Variants in PIK3C2B observed in about 807,000 individuals in gnomAD.
PIK3C2B encodes the protein phosphatidylinositol-4-phosphate 3-kinase catalytic subunit type 2 beta, also known as phosphatidylinositol 4-phosphate 3-kinase C2 domain-containing subunit beta.
A neutral mutation model predicts 184.3 loss-of-function variants in PIK3C2B; 83 were observed. That is an observed-to-expected ratio of 0.45 (90% CI 0.38 to 0.54). The LOEUF is 0.54. Ranked by LOEUF, PIK3C2B falls within the 20% of genes least tolerant of loss-of-function variation. The pLI, the probability that PIK3C2B is intolerant of heterozygous loss-of-function variation, is 0.00. For missense variants in PIK3C2B, 1,736 were observed against 2,113.5 expected (o/e 0.82, Z 3.50); for synonymous variants, 779 against 837.6 (o/e 0.93, Z 1.21).
At chr1:204,437,414 G>C (rs1260647328) in intron 23 of PIK3C2B, among the ~76,000 whole-genome samples, 2 of 152,204 alleles carry the variant, frequency 1.3e-5, no homozygotes, top group Non-Finnish European at 2.9e-5. Flanking sequence ...AGAATCGCTT[G>C]AATCCAGGAG....
At position 204,433,475 on chromosome 1, in the gene PIK3C2B, T is replaced by TC; in HGVS notation, c.3844-51dup. 1 of 1,163,560 alleles carries TC rather than the reference T, an allele frequency of 8.6e-7. No individual in the cohort carries two copies. Among genetic ancestry groups the TC allele is most frequent in the Non-Finnish European group, 1.3e-6 (1 of 773,330 alleles). The allele number at this position is 1,163,560 out of a possible 1,614,324, so 72.1% of individuals were successfully genotyped here. A position where few individuals can be genotyped will look rare whatever the true frequency, so the allele number is the denominator to read the frequency against. The stretch of plus-strand genomic sequence containing the variant: ...GAGGGTGCCTGTAACAACAGAGAAT[T>TC]CTTGCTGCTTCTCTACCCTTAGGCA... On this transcript the variant is annotated intron_variant, in intron 25 of 32. Coordinates refer to ENST00000684373, the MANE Select transcript of PIK3C2B (RefSeq NM_001377334.1). This position sits in a 1 kb window ranked among gnomAD's most constrained non-coding sequence, Gnocchi z 5.0.
At chr1:204,481,341 C>G (rs1657132238) in intron 1 of PIK3C2B, among the ~76,000 whole-genome samples, 1 of 143,518 alleles carries the variant, frequency 7.0e-6, no homozygotes, top group Non-Finnish European at 1.5e-5. Context: ...GATCTCCGCT[C>G]ACTGCAACCT....
At chr1:204,493,108 GC>G (rs1558293377) in intron 1 of PIK3C2B, among the ~76,000 whole-genome samples, 1 of 152,178 alleles carries the variant, frequency 6.6e-6, no homozygotes, top group African/African-American at 2.4e-5. Flanking sequence ...GGTCGGCATT[GC>G]CACCTCCTGG....
chr1:204,457,519 A>G (rs1280764708), intron 9 of PIK3C2B, among the ~76,000 whole-genome samples: 1 of 152,204 alleles, frequency 6.6e-6, no homozygotes, highest in Non-Finnish European at 1.5e-5. Flanking sequence ...AGTCCCAGGT[A>G]GCTCTCCCTC....
At chr1:204,465,364 G>A in intron 2 of PIK3C2B, 45 bp from the exon 3 acceptor site, 1 of 1,227,396 alleles carries the variant, frequency 8.1e-7, no homozygotes, top group South Asian at 1.2e-5. Context: ...TCCTCGTGGT[G>A]TCCCCTCCCT....
intron 12 of PIK3C2B, among the ~76,000 whole-genome samples, chr1:204,453,803 C>A (rs953731005): frequency 6.8e-6 from 1 of 147,646 alleles, no homozygotes; most frequent in Non-Finnish European, 1.5e-5. Flanking sequence ...GACAGAATTT[C>A]GCTCTTGTTG....
chr1:204,445,310 A>G (rs1441147727), intron 16 of PIK3C2B, among the ~76,000 whole-genome samples: 1 of 152,132 alleles, frequency 6.6e-6, no homozygotes, highest in Non-Finnish European at 1.5e-5. Flanking sequence ...ATGTATAAAA[A>G]GGCTGGGCAT....
chr1:204,435,722 A>G (rs1675306341), intron 23 of PIK3C2B: 1 of 152,158 alleles, frequency 6.6e-6, no homozygotes, highest in Non-Finnish European at 1.5e-5. Flanking sequence ...CTTCTTGCCT[A>G]TTTCACAATG....
At chr1:204,473,580 T>C (rs1656465071) in intron 1 of PIK3C2B, among the ~76,000 whole-genome samples, 2 of 152,222 alleles carry the variant, frequency 1.3e-5, no homozygotes, top group African/African-American at 4.8e-5. Context: ...CTTAAGTATG[T>C]TAATCCAGAG....
intron 15 of PIK3C2B, among the ~76,000 whole-genome samples, chr1:204,446,640 T>C (rs997014016): frequency 6.6e-6 from 1 of 152,122 alleles, no homozygotes; most frequent in African/African-American, 2.4e-5. Context: ...GCTGTCGGCT[T>C]TCAAGGACCT....
At chr1:204,441,635 T>G in intron 20 of PIK3C2B, 72 bp from the exon 21 acceptor site, 2 of 966,704 alleles carry the variant, frequency 2.1e-6, no homozygotes, top group Non-Finnish European at 3.2e-6. Flanking sequence ...CCTCTCCACT[T>G]CAGACCAAGA....
At chr1:204,438,350 C>A (rs1265643109) in intron 23 of PIK3C2B, among the ~76,000 whole-genome samples, 1 of 152,128 alleles carries the variant, frequency 6.6e-6, no homozygotes, top group Non-Finnish European at 1.5e-5. Context: ...CCCTACCACC[C>A]AGGAAAGCTC....
Position 204,455,868 on chromosome 1 carries a change from A to G in PIK3C2B, c.1931T>C (p.Ile644Thr). The G allele has an allele frequency of 6.2e-7, 1 of 1,611,872 alleles. No individual in the cohort carries two copies. The highest frequency in any genetic ancestry group is 8.5e-7 in the Non-Finnish European group (1 of 1,178,612). The change falls in exon 11 of 33, where the codon ATC becomes ACC. Residue 644 changes from isoleucine to threonine, a missense_variant. By Grantham distance (89) the Ile-to-Thr change is moderately conservative. This residue lies in a region of PIK3C2B where 609 missense variants were observed against 699.2 expected (regional missense o/e 0.87). Coordinates refer to ENST00000684373, the MANE Select transcript of PIK3C2B (RefSeq NM_001377334.1). ...GCCCTGGGCTCACCTGGTAGCCCAG[A>G]TGATGGGGATGCGGTGGGTGGCATA... ...TVYATHRIPI[I>T]WATSYEDFYL... is the part of the protein sequence containing the mutation.
In PIK3C2B at chr1:204,430,013, G is replaced by T. The variant is rs768164278; in HGVS notation, c.4306C>A (p.Arg1436Ser). 6.2e-7 allele frequency: 1 copy of T among 1,610,296 alleles called. No individual in the cohort carries two copies. Among genetic ancestry groups the T allele is most frequent in the Non-Finnish European group, 8.5e-7 (1 of 1,179,818 alleles). Residue 1436 changes from arginine to serine, a missense_variant, in exon 29 of 33, where the codon CGC becomes AGC. Physicochemically the swap from Arg to Ser is moderately radical, Grantham distance 110. Coordinates refer to ENST00000684373, the MANE Select transcript of PIK3C2B (RefSeq NM_001377334.1). ...TCGGCCACCGCCTCTCCCCGGGAGC[G>T]GCCGATCACGAAGCGACTAGGGAAG... The part of the protein sequence containing the change: ...PSFPSRFVIG[R>S]SRGEAVAERR...
chr1:204,461,920 G>A (rs993086971), intron 5 of PIK3C2B, among the ~76,000 whole-genome samples: 1 of 152,066 alleles, frequency 6.6e-6, no homozygotes, highest in African/African-American at 2.4e-5. Context: ...GAAAATCTCA[G>A]GGCTTCCTTG....
chr1:204,466,895 G>C (rs763179703), intron 2 of PIK3C2B: 2 of 533,224 alleles, frequency 3.8e-6, no homozygotes, highest in East Asian at 1.1e-4. Context: ...AGCTGGCTCC[G>C]CTGGCCTGGG....
chr1:204,465,164 C>CCCACCCCCACCCCCAAAG, intron 3 of PIK3C2B, 55 bp downstream of exon 3: 1 of 739,540 alleles, frequency 1.4e-6, no homozygotes. Context: ...ATGGATGGCC[C>CCCACCCCCACCCCCAAAG]CCCTCCCCAT....
chr1:204,427,543 A>G, intron 31 of PIK3C2B, 105 bp downstream of exon 31: 2 of 740,534 alleles, frequency 2.7e-6, no homozygotes, highest in Non-Finnish European at 4.8e-6. Context: ...TGCTCAGTAG[A>G]CTGTGGTGGT....
chr1:204,485,441 C>T (rs191271080), intron 1 of PIK3C2B, among the ~76,000 whole-genome samples: 74 of 146,282 alleles, frequency 5.1e-4, no homozygotes, highest in Non-Finnish European at 9.8e-4. Flanking sequence ...AATTATTATT[C>T]CTTTTTCTCA....
Sources: allele counts gnomAD v4.1 joint callset (sites outside exome capture counted in the v4.1 genomes callset), GRCh38; gene constraint gnomAD v4.1.1; regional missense constraint gnomAD v4.1.1; non-coding constraint Gnocchi (gnomAD v3.1); transcripts MANE v1.5; gene names NCBI Gene and HGNC (gene_info 2026-07-23, HGNC 2026-07-21).